The following ZFP3 variants were observed in gnomAD, a reference collection of about 807,000 sequenced individuals.
The protein encoded by ZFP3 is zinc finger protein 3 homolog.
ZFP3 carries 18 observed loss-of-function variants against 36.7 expected under a neutral mutation model. The observed-to-expected ratio is 0.49, with a 90% CI of 0.34 to 0.73. The LOEUF is 0.73. ZFP3 is among the 30% of genes least tolerant of loss of function. The pLI is 0.01. For missense variants in ZFP3, 495 were observed against 599.0 expected (o/e 0.83, Z 1.81); for synonymous variants, 218 against 199.0 (o/e 1.10, Z -0.81).
Position 5,092,972 on chromosome 17 carries a change from T to G in ZFP3, c.1468T>G (p.Ser490Ala). 1 of 1,610,228 alleles carries G rather than the reference T, an allele frequency of 6.2e-7. No individual in the cohort carries two copies. Among genetic ancestry groups the G allele is most frequent in the Non-Finnish European group, 8.5e-7 (1 of 1,178,186 alleles). Reference sequence around the variant, plus strand: ...ATGTCAGAAGACTTTTAGTCGGAGCTCTCACCTCCTCCGACATCAAAGTGT... The same window carrying G: ...ATGTCAGAAGACTTTTAGTCGGAGCGCTCACCTCCTCCGACATCAAAGTGT... ...QECQKTFSRS[S>A]HLLRHQSVHC... Residue 490 changes from serine (S) to alanine (A), a missense_variant, in exon 2 of 2, where the codon TCT becomes GCT. Physicochemically the swap from Ser to Ala is moderately conservative, Grantham distance 99. Coordinates refer to ENST00000318833, the MANE Select transcript of ZFP3 (RefSeq NM_153018.3). The surrounding 1 kb of genome is among the most constrained non-coding windows in gnomAD (Gnocchi z 5.0).
intron 1 of ZFP3, among the ~76,000 whole-genome samples, chr17:5,090,089 A>C (rs575833469): frequency 5.9e-5 from 9 of 152,362 alleles, no homozygotes; most frequent in African/African-American, 2.2e-4. Flanking sequence ...AAATGTAAGA[A>C]AATCTCACTA....
intron 1 of ZFP3, among the ~76,000 whole-genome samples, chr17:5,084,058 G>T (rs2143522230): frequency 6.6e-6 from 1 of 151,808 alleles, no homozygotes; most frequent in South Asian, 2.1e-4. Flanking sequence ...TAGAGATGAG[G>T]TTTCACCATG....
In ZFP3 at chr17:5,092,980, C is replaced by G; in HGVS notation, c.1476C>G (p.Leu492=). ...AGACTTTTAGTCGGAGCTCTCACCT[C>G]CTCCGACATCAAAGTGTTCACTGTA... ...CQKTFSRSSH[L]LRHQSVHCME is the part of the protein sequence containing the mutation. Residue 492 remains leucine (L), a synonymous_variant, in exon 2 of 2, where the codon CTC becomes CTG. Transcript: ENST00000318833. This position sits in a 1 kb window ranked among gnomAD's most constrained non-coding sequence, Gnocchi z 5.0. The G allele has an allele frequency of 6.2e-7, 1 of 1,607,714 alleles. No individual in the cohort carries two copies. The highest frequency in any genetic ancestry group is 8.5e-7 in the Non-Finnish European group (1 of 1,177,062).
chr17:5,085,142 C>T (rs1240682071), intron 1 of ZFP3, among the ~76,000 whole-genome samples: 3 of 151,852 alleles, frequency 2.0e-5, no homozygotes, highest in Non-Finnish European at 4.4e-5. Context: ...TGGGCTCAAG[C>T]GATTCTCCTG....
At chr17:5,084,457 A>G (rs2072110635) in intron 1 of ZFP3, among the ~76,000 whole-genome samples, 1 of 114,890 alleles carries the variant, frequency 8.7e-6, no homozygotes, top group African/African-American at 3.4e-5. Flanking sequence ...TTGTATTTTT[A>G]GTAGAGACGG....
chr17:5,086,258 T>C (rs2072120345), intron 1 of ZFP3, among the ~76,000 whole-genome samples: 1 of 152,210 alleles, frequency 6.6e-6, no homozygotes, highest in African/African-American at 2.4e-5. Flanking sequence ...AGGGGGGCAT[T>C]ACCAGGCTGC....
intron 1 of ZFP3, among the ~76,000 whole-genome samples, chr17:5,081,996 G>C (rs2072096056): frequency 1.3e-5 from 2 of 149,940 alleles, no homozygotes; most frequent in Admixed American, 6.6e-5. Context: ...TGGATCATTT[G>C]AGGTCAGGAG....
intron 1 of ZFP3, among the ~76,000 whole-genome samples, chr17:5,085,976 C>T (rs555698285): frequency 5.0e-4 from 76 of 152,290 alleles, no homozygotes; most frequent in African/African-American, 1.8e-3. Flanking sequence ...CTTCCCAACT[C>T]AGATGGTACC....
At chr17:5,089,195 G>C (rs544505424) in intron 1 of ZFP3, among the ~76,000 whole-genome samples, 1 of 152,162 alleles carries the variant, frequency 6.6e-6, no homozygotes, top group Non-Finnish European at 1.5e-5. Flanking sequence ...TTCTCTCTTA[G>C]ATAAATGAAG....
At chr17:5,084,326 A>G (rs1266380087) in intron 1 of ZFP3, among the ~76,000 whole-genome samples, 120 of 96,568 alleles carry the variant, frequency 1.2e-3, no homozygotes, top group Admixed American at 1.6e-3. Flanking sequence ...CCCAGGCTGG[A>G]GTGCAGTGGC....
At chr17:5,083,908 C>T (rs35172303) in intron 1 of ZFP3, among the ~76,000 whole-genome samples, 24,324 of 151,306 alleles carry the variant, frequency 0.16, 2,661 homozygotes, top group South Asian at 0.49. Flanking sequence ...GCTCTGTCGC[C>T]CAGGCTGGAG....
In ZFP3 at chr17:5,093,162, AGAAGAT is replaced by A. The variant is rs1355343773; in HGVS notation, c.*152_*157del. 1.2e-6 allele frequency: 1 copy of A among 862,140 alleles called. No individual in the cohort carries two copies. Among genetic ancestry groups the A allele is most frequent in the East Asian group, 3.0e-5 (1 of 33,376 alleles). The allele number at this position is 862,140 out of a possible 1,614,324, so 53.4% of individuals were successfully genotyped here. ...CCACTGATTTTAAATAGTTGGTTGA[AGAAGAT>A]GAGGCACTTTTTTTTTTTTTTTTTT... On this transcript the variant is annotated 3_prime_UTR_variant, in exon 2 of 2. Transcript: ENST00000318833.
intron 1 of ZFP3, among the ~76,000 whole-genome samples, chr17:5,082,483 T>C (rs950745016): frequency 3.3e-5 from 5 of 152,330 alleles, no homozygotes; most frequent in Non-Finnish European, 7.4e-5. Flanking sequence ...AGTGAGTTTT[T>C]TGGACGTTTT....
chr17:5,094,034 G>A lies in ZFP3; in HGVS notation c.*1021G>A, dbSNP rs1187833814. On this transcript the variant is annotated 3_prime_UTR_variant, in exon 2 of 2. Transcript: ENST00000318833. ...ACAGTAAGTAGCAGACAGGACTGTG[G>A]CTTCACCTCCTCCGGGCACCTGGCT... The A allele has an allele frequency of 6.0e-6, 1 of 167,152 alleles. No individual in the cohort carries two copies. The highest frequency in any genetic ancestry group is 2.4e-5 in the African/African-American group (1 of 41,458). The allele number at this position is 167,152 out of a possible 1,614,324, so 10.4% of individuals were successfully genotyped here.
intron 1 of ZFP3, among the ~76,000 whole-genome samples, chr17:5,082,458 A>G (rs973667323): frequency 2.0e-5 from 3 of 152,244 alleles, no homozygotes; most frequent in Admixed American, 6.5e-5. Flanking sequence ...CCATACAGAG[A>G]CAATTTGTTG....
rs188728132 is a variant in ZFP3 at position 5,078,805 on chromosome 17, G to A, written c.-9+230G>A. Among the ~76,000 whole-genome samples the A allele has an allele frequency of 6.6e-6, 1 of 152,334 alleles. No individual in the cohort carries two copies. The highest frequency in any genetic ancestry group is 2.4e-5 in the African/African-American group (1 of 41,570). On this transcript the variant is annotated intron_variant, in intron 1 of 1. Coordinates refer to ENST00000318833, the MANE Select transcript of ZFP3 (RefSeq NM_153018.3). This position sits in a 1 kb window ranked among gnomAD's most constrained non-coding sequence, Gnocchi z 4.5. ...CAGGGACAGTCCCAGCTCTGGTTTG[G>A]TGCCTGTCAGCCGTGGGGGTGGGAG...
chr17:5,091,675 G>C lies in ZFP3; in HGVS notation c.171G>C (p.Glu57Asp). The change falls in exon 2 of 2, where the codon GAG becomes GAC. Residue 57 changes from glutamate to aspartate, a missense_variant. By Grantham distance (45) the Glu-to-Asp change is conservative. Coordinates refer to ENST00000318833, the MANE Select transcript of ZFP3 (RefSeq NM_153018.3). The stretch of plus-strand genomic sequence containing the variant: ...GACATTCGAGAGAGTCCATGGAAGA[G>C]GTTATAGAGCAGATGTCTCCTCAGG... ...LEGHSRESMEEVIEQMSPQER... is the reference protein window; with the variant it reads ...LEGHSRESMEDVIEQMSPQER... 1 of 1,614,236 alleles carries C rather than the reference G, an allele frequency of 6.2e-7. No individual in the cohort carries two copies. Among genetic ancestry groups the C allele is most frequent in the South Asian group, 1.1e-5 (1 of 91,088 alleles).
chr17:5,081,456 G>T (rs1210410439), intron 1 of ZFP3, among the ~76,000 whole-genome samples: 2 of 152,144 alleles, frequency 1.3e-5, no homozygotes, highest in African/African-American at 4.8e-5. Flanking sequence ...CACATAGATT[G>T]TTGAATGGAA....
rs901349508 is a variant in ZFP3 at position 5,085,518 on chromosome 17, G to A, written c.-8-5979G>A. On this transcript the variant is annotated intron_variant, in intron 1 of 1. Coordinates refer to ENST00000318833, the MANE Select transcript of ZFP3 (RefSeq NM_153018.3). ...TGAGTAGCTGGGACTACAAGCGCCC[G>A]CCACCACGCCCAGCTAATTTTTTGT... is the stretch of plus-strand genomic sequence containing the variant. 7.2e-5 allele frequency among the ~76,000 whole-genome samples: 11 copies of A among 151,970 alleles called. No individual in the cohort carries two copies. In the East Asian group the frequency reaches 1.2e-3, roughly 16 times the overall value.
Sources: gnomAD v4.1 joint callset for allele counts (sites outside exome capture counted in the v4.1 genomes callset) on GRCh38, gnomAD v4.1.1 for gene constraint, Gnocchi (gnomAD v3.1) non-coding constraint, MANE v1.5 for transcripts, NCBI Gene and HGNC (gene_info 2026-07-23, HGNC 2026-07-21) for gene names.